Variants in BMAL1 observed in about 807,000 individuals in gnomAD.
The protein encoded by BMAL1 is basic helix-loop-helix ARNT-like protein 1.
At chr11:13,313,970 C>G in the BMAL1 span, among the ~76,000 whole-genome samples, 1 of 151,314 alleles carries the variant, frequency 6.6e-6, no homozygotes, top group Non-Finnish European at 1.5e-5. Flanking sequence ...CAGCCATCAC[C>G]TCCTAGTGCC....
the BMAL1 span, among the ~76,000 whole-genome samples, chr11:13,360,657 C>T: frequency 1.3e-5 from 2 of 152,176 alleles, no homozygotes; most frequent in African/African-American, 4.8e-5. Context: ...TATGCCACCG[C>T]AATTTAAAAT....
chr11:13,327,893 T>TCCACCCAGGGGTCCCAGTTAACAATTTC, the BMAL1 span, among the ~76,000 whole-genome samples: 3 of 151,968 alleles, frequency 2.0e-5, no homozygotes, highest in African/African-American at 7.3e-5. Context: ...TTCCCTGAAG[T>TCCACCCAGGGGTCCCAGTTAACAATTTC]TGATCTGGAA....
chr11:13,303,628 C>A, the BMAL1 span, among the ~76,000 whole-genome samples: 1 of 152,202 alleles, frequency 6.6e-6, no homozygotes. Context: ...CATCCAGGGA[C>A]CTAGACTCCT....
the BMAL1 span, among the ~76,000 whole-genome samples, chr11:13,381,806 A>G: frequency 6.6e-6 from 1 of 152,222 alleles, no homozygotes; most frequent in Non-Finnish European, 1.5e-5. Flanking sequence ...ACTACACTAT[A>G]AATAGGTTTA....
the BMAL1 span, chr11:13,372,457 A>C: frequency 6.2e-7 from 1 of 1,600,778 alleles, no homozygotes; most frequent in East Asian, 2.2e-5. Flanking sequence ...GAGGATTTTC[A>C]ACCCTGATCT....
chr11:13,362,833 C>T, the BMAL1 span, among the ~76,000 whole-genome samples: 2 of 152,098 alleles, frequency 1.3e-5, no homozygotes, highest in Non-Finnish European at 2.9e-5. Context: ...GTTTAATGCC[C>T]TGTCACCATC....
the BMAL1 span, among the ~76,000 whole-genome samples, chr11:13,332,852 G>A: frequency 1.3e-5 from 2 of 152,058 alleles, no homozygotes; most frequent in African/African-American, 2.4e-5. Flanking sequence ...AGTAGCCTGC[G>A]AACTGGAATG....
At chr11:13,288,394 T>TCTTTTTTCTTTC in the BMAL1 span, among the ~76,000 whole-genome samples, 11 of 43,284 alleles carry the variant, frequency 2.5e-4, no homozygotes, top group Admixed American at 1.1e-3. Flanking sequence ...GGATTTTCTT[T>TCTTTTTTCTTTC]TTTCTTTCTT....
At chr11:13,327,235 A>AAC in the BMAL1 span, among the ~76,000 whole-genome samples, 91 of 32,950 alleles carry the variant, frequency 2.8e-3, no homozygotes, top group African/African-American at 5.8e-3. Context: ...CTCTTTTATG[A>AAC]AAAAAAAAAA....
the BMAL1 span, among the ~76,000 whole-genome samples, chr11:13,292,350 C>G: frequency 2.0e-5 from 3 of 151,808 alleles, no homozygotes; most frequent in Non-Finnish European, 4.4e-5. Flanking sequence ...CGAGACCATC[C>G]TGCTAGCACG....
At chr11:13,298,061 G>A in the BMAL1 span, among the ~76,000 whole-genome samples, 2 of 152,314 alleles carry the variant, frequency 1.3e-5, no homozygotes, top group South Asian at 2.1e-4. Context: ...GAGCTTCCTG[G>A]TACTTCTGAC....
the BMAL1 span, among the ~76,000 whole-genome samples, chr11:13,299,640 A>G: frequency 6.6e-6 from 1 of 152,152 alleles, no homozygotes; most frequent in South Asian, 2.1e-4. Context: ...GAAGCTCTAG[A>G]GTCATTTTCT....
At chr11:13,317,189 T>A in the BMAL1 span, among the ~76,000 whole-genome samples, 5 of 152,208 alleles carry the variant, frequency 3.3e-5, no homozygotes, top group Admixed American at 3.3e-4. Flanking sequence ...GGAACAGATA[T>A]AAAGTCTAAA....
chr11:13,384,804 TTA>T, the BMAL1 span, among the ~76,000 whole-genome samples: 5 of 152,322 alleles, frequency 3.3e-5, no homozygotes, highest in East Asian at 9.6e-4. Context: ...TATTCATTAT[TTA>T]TGTTAACATG....
At chr11:13,325,090 T>C in the BMAL1 span, among the ~76,000 whole-genome samples, 1 of 152,212 alleles carries the variant, frequency 6.6e-6, no homozygotes, top group Non-Finnish European at 1.5e-5. Flanking sequence ...GATAACTTGG[T>C]ATAGTGATTC....
chr11:13,353,741 A>C, the BMAL1 span, among the ~76,000 whole-genome samples: 2 of 152,160 alleles, frequency 1.3e-5, no homozygotes, highest in African/African-American at 4.8e-5. Flanking sequence ...CACGAGAGTC[A>C]CTTGAACCTG....
At chr11:13,373,079 C>T in the BMAL1 span, among the ~76,000 whole-genome samples, 1 of 152,182 alleles carries the variant, frequency 6.6e-6, no homozygotes, top group Non-Finnish European at 1.5e-5. Context: ...ATAAAATACT[C>T]GTTGGCCATG....
At chr11:13,302,114 G>C in the BMAL1 span, among the ~76,000 whole-genome samples, 3 of 152,218 alleles carry the variant, frequency 2.0e-5, no homozygotes, top group Admixed American at 1.3e-4. Flanking sequence ...GAGAGGTGGG[G>C]ATGGGAGGAG....
chr11:13,370,900 GCAAT>G, the BMAL1 span, among the ~76,000 whole-genome samples: 1 of 152,152 alleles, frequency 6.6e-6, no homozygotes, highest in African/African-American at 2.4e-5. Context: ...CCCCTTCTGG[GCAAT>G]GCTTCTGCAC....
Sources: gnomAD v4.1 joint callset for allele counts (sites outside exome capture counted in the v4.1 genomes callset) on GRCh38, gnomAD v4.1.1 for gene constraint, MANE v1.5 for transcripts, NCBI Gene and HGNC (gene_info 2026-07-23, HGNC 2026-07-21) for gene names.